The following PTPRN2 variants were observed in gnomAD, a reference collection of about 807,000 sequenced individuals.
The protein encoded by PTPRN2 is protein tyrosine phosphatase receptor type N2.
A neutral mutation model predicts 118.8 loss-of-function variants in PTPRN2; 74 were observed. The ratio of observed to expected loss-of-function variants is 0.62; its 90% CI spans 0.52 to 0.76. The LOEUF is 0.76. PTPRN2 is among the 30% of genes least tolerant of loss of function. The probability of loss-of-function intolerance (pLI) is 0.00; values close to 1 mark genes in which losing one functional copy is unlikely to be tolerated. For missense variants in PTPRN2, 1,481 were observed against 1,394.4 expected (o/e 1.06, Z -0.99); for synonymous variants, 641 against 608.0 (o/e 1.05, Z -0.80).
rs140795885 is a variant in PTPRN2, at chr7:158,287,578, A to G, written c.277+29241T>C. 3.0e-4 allele frequency among the ~76,000 whole-genome samples: 45 copies of G among 152,042 alleles called. No individual in the cohort carries two copies. The East Asian group carries it at 7.7e-3, about 26-fold the overall frequency. ...CTCTTTTTAATTTCTTCTTTGACAT[A>G]TTGGTGGTTCAGAAGCATGTTGTTC... On this transcript the variant is annotated intron_variant, in intron 3 of 22. Coordinates refer to ENST00000389418, the MANE Select transcript of PTPRN2 (RefSeq NM_002847.5).
chr7:157,770,760 C>A (rs1802753253), intron 12 of PTPRN2, among the ~76,000 whole-genome samples: 1 of 152,180 alleles, frequency 6.6e-6, no homozygotes, highest in Non-Finnish European at 1.5e-5. Flanking sequence ...TCATGAGGCG[C>A]CTGCATTCAG....
At chr7:158,099,975 G>A (rs1318418934) in intron 10 of PTPRN2, among the ~76,000 whole-genome samples, 1 of 151,016 alleles carries the variant, frequency 6.6e-6, no homozygotes. Flanking sequence ...AACAGGCAGT[G>A]TTGAGTTACA....
chr7:158,206,566 A>AGG (rs897008470), intron 3 of PTPRN2, among the ~76,000 whole-genome samples: 3 of 151,316 alleles, frequency 2.0e-5, no homozygotes, highest in Non-Finnish European at 4.4e-5. Flanking sequence ...AAGCTCGGGG[A>AGG]GGGGGGGAGA....
intron 2 of PTPRN2, among the ~76,000 whole-genome samples, chr7:158,398,807 G>A (rs943975725): frequency 3.2e-4 from 49 of 152,142 alleles, no homozygotes; most frequent in African/African-American, 1.0e-3. Flanking sequence ...CAGAAGATGG[G>A]CCTACCTCTC....
chr7:158,210,198 C>T (rs901648562), intron 3 of PTPRN2, among the ~76,000 whole-genome samples: 107 of 143,068 alleles, frequency 7.5e-4, no homozygotes, highest in African/African-American at 2.4e-3. Flanking sequence ...TGCAGTGGCG[C>T]GATCTCGGCT....
chr7:158,311,525 G>A (rs1366172520), intron 3 of PTPRN2, among the ~76,000 whole-genome samples: 2 of 152,208 alleles, frequency 1.3e-5, no homozygotes, highest in African/African-American at 2.4e-5. Context: ...GCCTGTAGTA[G>A]ACAAGAATGG....
At chr7:158,155,744 AT>A (rs1821749711) in intron 6 of PTPRN2, among the ~76,000 whole-genome samples, 2 of 84,662 alleles carry the variant, frequency 2.4e-5, no homozygotes, top group African/African-American at 6.7e-5. Context: ...CATCACCATC[AT>A]CACCATCACC....
chr7:158,536,333 A>G (rs1281113095), intron 1 of PTPRN2, among the ~76,000 whole-genome samples: 1 of 152,204 alleles, frequency 6.6e-6, no homozygotes, highest in African/African-American at 2.4e-5. Context: ...GAAAATAAAC[A>G]ATAAGAAGTT....
chr7:157,978,214 C>T (rs1488500493), intron 11 of PTPRN2, among the ~76,000 whole-genome samples: 1 of 151,976 alleles, frequency 6.6e-6, no homozygotes, highest in Non-Finnish European at 1.5e-5. Context: ...GAAACTAGCT[C>T]TCAGACATCG....
chr7:157,574,497 A>AG, intron 19 of PTPRN2: 1 of 442,216 alleles, frequency 2.3e-6, no homozygotes, highest in Admixed American at 2.1e-5. Flanking sequence ...CACAGCAAGA[A>AG]GGGAGAGAGT....
chr7:158,109,445 C>A (rs1433055310), intron 10 of PTPRN2, among the ~76,000 whole-genome samples: 1 of 148,924 alleles, frequency 6.7e-6, no homozygotes, highest in African/African-American at 2.5e-5. Flanking sequence ...AATGATGTCA[C>A]CCCATATGTG....
chr7:157,731,243 G>A (rs1037266758), intron 12 of PTPRN2, among the ~76,000 whole-genome samples: 1 of 152,146 alleles, frequency 6.6e-6, no homozygotes, highest in Non-Finnish European at 1.5e-5. Context: ...TGAGTTCCGA[G>A]GAAGGTAATC....
intron 14 of PTPRN2, among the ~76,000 whole-genome samples, chr7:157,637,514 A>G (rs1018409024): frequency 5.3e-5 from 8 of 152,066 alleles, no homozygotes; most frequent in African/African-American, 1.9e-4. Flanking sequence ...GTTTCGTATC[A>G]CGATTTCTAT....
At chr7:157,740,765 G>A (rs1248795534) in intron 12 of PTPRN2, among the ~76,000 whole-genome samples, 1 of 152,202 alleles carries the variant, frequency 6.6e-6, no homozygotes, top group Non-Finnish European at 1.5e-5. Context: ...TTTCCAGCAA[G>A]CCTCGGAATC....
chr7:157,799,539 T>C (rs949064439), intron 12 of PTPRN2, among the ~76,000 whole-genome samples: 1 of 152,206 alleles, frequency 6.6e-6, no homozygotes, highest in East Asian at 1.9e-4. Context: ...CCCAGCTCCA[T>C]GTGCGGGTCC....
intron 12 of PTPRN2, among the ~76,000 whole-genome samples, chr7:157,702,793 G>T (rs754607853): frequency 6.6e-6 from 1 of 152,196 alleles, no homozygotes; most frequent in Non-Finnish European, 1.5e-5. Flanking sequence ...AACACCCGCC[G>T]TCCTGCTGCT....
chr7:157,895,199 C>T (rs943707702), intron 12 of PTPRN2, among the ~76,000 whole-genome samples: 1 of 151,592 alleles, frequency 6.6e-6, no homozygotes, highest in Non-Finnish European at 1.5e-5. Context: ...CTGGACGAGA[C>T]CATAAAATAA....
At chr7:158,021,595 C>T (rs1806875104) in intron 11 of PTPRN2, among the ~76,000 whole-genome samples, 13 of 152,004 alleles carry the variant, frequency 8.6e-5, no homozygotes, top group Admixed American at 8.5e-4. Flanking sequence ...AGGACACAGC[C>T]AGAAGGCGCT....
At position 157,748,778 on chromosome 7, in the gene PTPRN2, T is replaced by C. The variant is rs1227630994; in HGVS notation, c.1789-65841A>G. On this transcript the variant is annotated intron_variant, in intron 12 of 22. Transcript: ENST00000389418. The stretch of plus-strand genomic sequence containing the variant: ...TTCTGAGGCCTGCGTCCCTGAGCTG[T>C]GGGCTGTTGAGGTGATTCTGAGGCC... Among the ~76,000 whole-genome samples the C allele has an allele frequency of 7.8e-3, 633 of 81,138 alleles. 4 individuals are homozygous for C. Among genetic ancestry groups the C allele is most frequent in the Admixed American group, 0.013 (102 of 7,582 alleles). The allele number at this position is 81,138 out of a possible 152,430, so 53.2% of individuals were successfully genotyped here.
Sources: gnomAD v4.1 joint callset for allele counts (sites outside exome capture counted in the v4.1 genomes callset) on GRCh38, gnomAD v4.1.1 for gene constraint, MANE v1.5 for transcripts, NCBI Gene and HGNC (gene_info 2026-07-23, HGNC 2026-07-21) for gene names.